The following ITPR2 variants were observed in gnomAD, a reference collection of about 807,000 sequenced individuals.
ITPR2 encodes inositol 1,4,5-trisphosphate-gated calcium channel ITPR2.
Under a neutral mutation model 317.1 loss-of-function variants are expected in ITPR2, and 207 were observed. The ratio of observed to expected loss-of-function variants is 0.65; its 90% confidence interval spans 0.58 to 0.73. ITPR2 has a LOEUF of 0.73. Ranked by LOEUF, ITPR2 falls within the 30% of genes least tolerant of loss-of-function variation. The pLI is 0.00. For missense variants in ITPR2, 2,613 were observed against 3,284.0 expected (o/e 0.80, Z 4.99); for synonymous variants, 1,156 against 1,149.1 (o/e 1.01, Z -0.12).
intron 34 of ITPR2, among the ~76,000 whole-genome samples, chr12:26,570,429 T>C (rs1046401168): frequency 1.3e-5 from 2 of 152,178 alleles, no homozygotes; most frequent in African/African-American, 2.4e-5. Flanking sequence ...ATATATGATG[T>C]CAAGCTCCTT....
chr12:26,446,462 C>T (rs532813531), intron 45 of ITPR2, among the ~76,000 whole-genome samples: 18 of 152,024 alleles, frequency 1.2e-4, no homozygotes, highest in Non-Finnish European at 2.5e-4. Context: ...TGAATAATTT[C>T]TCCTAAGTTT....
chr12:26,568,725 T>C (rs988976057), intron 34 of ITPR2, among the ~76,000 whole-genome samples: 1 of 152,094 alleles, frequency 6.6e-6, no homozygotes, highest in African/African-American at 2.4e-5. Context: ...ACCTGGTTGG[T>C]TGTCAAGTTC....
At chr12:26,433,986 T>C (rs980494949) in intron 48 of ITPR2, among the ~76,000 whole-genome samples, 1 of 152,174 alleles carries the variant, frequency 6.6e-6, no homozygotes, top group Non-Finnish European at 1.5e-5. Context: ...TTTAAAAATA[T>C]ATAGGGTAAA....
rs78556429 is a variant in ITPR2, at chr12:26,806,230, T to C, written c.93-16003A>G. Among the ~76,000 whole-genome samples, 1,354 of 152,336 alleles carry C rather than the reference T, an allele frequency of 8.9e-3. 10 individuals carry two copies. Among genetic ancestry groups the C allele is most frequent in the Middle Eastern group, 0.014 (4 of 294 alleles). ...AATATAGTAATGACCATAAATATAG[T>C]GCAGTTAAGTACTTCAGAGCCCGAA... is the stretch of plus-strand genomic sequence containing the variant. On this transcript the variant is annotated intron_variant, in intron 1 of 56. Coordinates refer to ENST00000381340, the MANE Select transcript of ITPR2 (RefSeq NM_002223.4).
At chr12:26,460,302 T>G (rs900532737) in intron 45 of ITPR2, among the ~76,000 whole-genome samples, 2 of 152,226 alleles carry the variant, frequency 1.3e-5, no homozygotes, top group South Asian at 2.1e-4. Context: ...AGACTCCAGA[T>G]TCTCACATGG....
chr12:26,404,631 G>A, intron 52 of ITPR2, among the ~76,000 whole-genome samples: 1 of 152,110 alleles, frequency 6.6e-6, no homozygotes, highest in East Asian at 1.9e-4. Context: ...TGTTTTATAG[G>A]GAAATTTGGT....
Position 26,831,723 on chromosome 12 carries a change from A to G in ITPR2, c.92+967T>C, listed in dbSNP as rs1951106796. Among the ~76,000 whole-genome samples, 2 of 131,024 alleles carry G rather than the reference A, an allele frequency of 1.5e-5. No homozygotes were observed. The highest frequency in any genetic ancestry group is 7.9e-5 in the Admixed American group (1 of 12,698). The allele number at this position is 131,024 out of a possible 152,430, so 86.0% of individuals were successfully genotyped here. A position where few individuals can be genotyped will look rare whatever the true frequency, so the allele number is the denominator to read the frequency against. ...CATAAAATATATAAATATATATTCT[A>G]CATAAAATATATAAATATATATTCT... On this transcript the variant is annotated intron_variant, in intron 1 of 56. Transcript: ENST00000381340. The surrounding 1 kb of genome is among the most constrained non-coding windows in gnomAD (Gnocchi z 4.9).
chr12:26,490,623 G>C (rs940121950), intron 39 of ITPR2, among the ~76,000 whole-genome samples: 2 of 152,098 alleles, frequency 1.3e-5, no homozygotes, highest in African/African-American at 4.8e-5. Flanking sequence ...GACCAGCCTG[G>C]CCACAGGATG....
chr12:26,419,052 G>T lies in ITPR2; in HGVS notation c.7107C>A (p.Phe2369Leu). 1 of 1,612,988 alleles carries T rather than the reference G, an allele frequency of 6.2e-7. No individual in the cohort carries two copies. The highest frequency in any genetic ancestry group is 1.3e-5 in the African/African-American group (1 of 74,960). The change falls in exon 50 of 57, where the codon TTC (phenylalanine) becomes TTA (leucine). Residue 2369 changes from phenylalanine to leucine, a missense_variant. Transcript: ENST00000381340. ...GTCCACATAGAGATGTACTCACCAG[G>T]AAGCTATAGAAGAATTCATGGACAA... ...GLFVHEFFYS[F>L]LLFDLVYREE...
intron 1 of ITPR2, among the ~76,000 whole-genome samples, chr12:26,826,562 C>T (rs1356917225): frequency 2.0e-5 from 3 of 152,182 alleles, no homozygotes. Flanking sequence ...AAAATAAGGG[C>T]TCCAATCCTC....
Position 26,550,291 on chromosome 12 carries a change from T to C in ITPR2, c.5029A>G (p.Thr1677Ala), listed in dbSNP as rs1280651759. The change falls in exon 37 of 57, where the codon ACA becomes GCA. Residue 1677 changes from threonine to alanine, a missense_variant. Thr to Ala is a moderately conservative substitution (Grantham distance 58). Coordinates refer to ENST00000381340, the MANE Select transcript of ITPR2 (RefSeq NM_002223.4). ...EEKLCIKILQ[T>A]LREMLEKKDS... is the part of the protein sequence containing the mutation. The stretch of plus-strand genomic sequence containing the variant: ...TTCTTCTCTAACATTTCTCGTAATG[T>C]CTGAAGAATTTTAATGCACAGTTTT... 2 of 1,555,508 alleles carry C rather than the reference T, an allele frequency of 1.3e-6. No individual in the cohort carries two copies. Among genetic ancestry groups the C allele is most frequent in the African/African-American group, 2.7e-5 (2 of 73,488 alleles).
chr12:26,697,375 A>G (rs1948370696), intron 9 of ITPR2, among the ~76,000 whole-genome samples: 1 of 152,258 alleles, frequency 6.6e-6, no homozygotes, highest in African/African-American at 2.4e-5. Flanking sequence ...ATTCCTTCTC[A>G]GAGTCTTTCT....
intron 2 of ITPR2, among the ~76,000 whole-genome samples, chr12:26,746,902 A>G (rs1288859781): frequency 6.6e-6 from 1 of 151,718 alleles, no homozygotes; most frequent in East Asian, 1.9e-4. Context: ...CTTGGGTCTG[A>G]TCCTCTTAGT....
chr12:26,538,728 C>A (rs1465662281), intron 37 of ITPR2, among the ~76,000 whole-genome samples: 1 of 152,038 alleles, frequency 6.6e-6, no homozygotes, highest in Non-Finnish European at 1.5e-5. Context: ...AGGTGTGCAC[C>A]ACCATGCCAG....
intron 55 of ITPR2, among the ~76,000 whole-genome samples, chr12:26,363,800 G>A (rs1938920020): frequency 6.6e-6 from 1 of 152,004 alleles, no homozygotes; most frequent in Non-Finnish European, 1.5e-5. Flanking sequence ...ATTGCACTAA[G>A]TATGGAGATA....
rs145098461 is a variant in ITPR2, at chr12:26,636,170, C to T, written c.2741-4111G>A. ...GTGTTCTTGTGTCCAGACGGTCACA[C>T]AACTTGCTCCCTCACTCCTTTCTGA... On this transcript the variant is annotated intron_variant, in intron 21 of 56. Coordinates refer to ENST00000381340, the MANE Select transcript of ITPR2 (RefSeq NM_002223.4). 1.3e-4 allele frequency among the ~76,000 whole-genome samples: 20 copies of T among 152,332 alleles called. No individual in the cohort carries two copies. The South Asian group carries it at 1.5e-3, about 11-fold the overall frequency.
chr12:26,551,727 G>T (rs1210797676), intron 36 of ITPR2, among the ~76,000 whole-genome samples: 1 of 152,228 alleles, frequency 6.6e-6, no homozygotes, highest in African/African-American at 2.4e-5. Context: ...GAAGGCTCGG[G>T]AGAGAAGACA....
At chr12:26,782,807 AAT>A (rs1950120361) in intron 2 of ITPR2, among the ~76,000 whole-genome samples, 1 of 152,238 alleles carries the variant, frequency 6.6e-6, no homozygotes. Context: ...TCAAATCTGA[AAT>A]AGTTTCAGTC....
chr12:26,817,530 T>C (rs1592158034), intron 1 of ITPR2, among the ~76,000 whole-genome samples: 1 of 152,296 alleles, frequency 6.6e-6, no homozygotes, highest in South Asian at 2.1e-4. Flanking sequence ...GTGTATCAAT[T>C]CCTCCTCTGC....
Sources: gnomAD v4.1 joint callset for allele counts (sites outside exome capture counted in the v4.1 genomes callset) on GRCh38, gnomAD v4.1.1 for gene constraint, Gnocchi (gnomAD v3.1) non-coding constraint, MANE v1.5 for transcripts, NCBI Gene and HGNC (gene_info 2026-07-23, HGNC 2026-07-21) for gene names.